CPSF4: variants seen among roughly 807,000 people sequenced by gnomAD.
CPSF4 encodes cleavage and polyadenylation specificity factor subunit 4.
Under a neutral mutation model 37.7 loss-of-function variants are expected in CPSF4, and 11 were observed. That is an observed-to-expected ratio of 0.29 (90% CI 0.18 to 0.48). The LOEUF is 0.48. Among genes scored for constraint, CPSF4 ranks in the 20% least tolerant of loss-of-function variants. The pLI is 0.99. For missense variants in CPSF4, 144 were observed against 359.5 expected (o/e 0.40, Z 4.85); for synonymous variants, 132 against 135.9 (o/e 0.97, Z 0.20).
In CPSF4 at chr7:99,444,791, T is replaced by A; in HGVS notation, c.106T>A (p.Ser36Thr). The A allele has an allele frequency of 6.2e-7, 1 of 1,613,592 alleles. No homozygotes were observed. The highest frequency in any genetic ancestry group is 8.5e-7 in the Non-Finnish European group (1 of 1,179,728). Residue 36 changes from serine to threonine, a missense_variant and splice_region_variant, in exon 2 of 8, where the codon TCG (serine) becomes ACG (threonine). Ser to Thr is a moderately conservative substitution (Grantham distance 58, BLOSUM62 1). Transcript: ENST00000292476. ...QPLPFPGMDK[S>T]GAAVCEFFLK... The stretch of plus-strand genomic sequence containing the variant: ...CTCCTTTTCTCTCCTTTCTACAGAG[T>A]CGGGCGCTGCTGTCTGTGAATTCTT...
rs557905583 is a variant in CPSF4 at position 99,448,459 on chromosome 7, CTTTT to C, written c.307+204_307+207del. 1.1e-3 allele frequency: 359 copies of C among 320,384 alleles called. No individual in the cohort carries two copies. Among genetic ancestry groups the C allele is most frequent in the East Asian group, 1.4e-3 (22 of 15,756 alleles). The allele number at this position is 320,384 out of a possible 1,614,324, so 19.8% of individuals were successfully genotyped here. A position where few individuals can be genotyped will look rare whatever the true frequency, so the allele number is the denominator to read the frequency against. On this transcript the variant is annotated intron_variant, in intron 3 of 7. Transcript: ENST00000292476. This position sits in a 1 kb window ranked among gnomAD's most constrained non-coding sequence, Gnocchi z 4.4. ...CAGTGTGGCTATTTTCTGCTCATCT[CTTTT>C]TTTTTTTTTTTTTTTTTAAAGACAT...
chr7:99,440,674 A>ATATATATGTTTTTTTTTT, intron 1 of CPSF4, among the ~76,000 whole-genome samples: 14 of 88,088 alleles, frequency 1.6e-4, no homozygotes, highest in African/African-American at 2.9e-4. Context: ...ATATATATAT[A>ATATATATGTTTTTTTTTT]TTTTTTTTTT....
intron 7 of CPSF4, among the ~76,000 whole-genome samples, chr7:99,455,053 T>C (rs1485195247): frequency 2.0e-5 from 3 of 151,984 alleles, no homozygotes; most frequent in South Asian, 2.1e-4. Context: ...AGACTCTTTG[T>C]CTCCAAAAAA....
intron 1 of CPSF4, among the ~76,000 whole-genome samples, chr7:99,440,886 A>C (rs1233123609): frequency 5.7e-5 from 7 of 123,734 alleles, no homozygotes; most frequent in South Asian, 5.4e-4. Context: ...ACACACACAC[A>C]CCCCCTCTTA....
At chr7:99,445,901 A>C (rs906322931) in intron 2 of CPSF4, among the ~76,000 whole-genome samples, 3 of 152,162 alleles carry the variant, frequency 2.0e-5, no homozygotes, top group Non-Finnish European at 1.5e-5. Context: ...CAAAACAAAA[A>C]AAAAAGAAAG....
At chr7:99,439,256 A>T (rs1347242031) in intron 1 of CPSF4, 71 bp downstream of exon 1, 6 of 1,184,476 alleles carry the variant, frequency 5.1e-6, no homozygotes, top group Non-Finnish European at 5.9e-6. Context: ...TGATCCCGGG[A>T]CTCCCTCGCC....
chr7:99,455,803 C>G (rs1289626669), intron 7 of CPSF4, among the ~76,000 whole-genome samples: 2 of 152,352 alleles, frequency 1.3e-5, no homozygotes, highest in South Asian at 2.1e-4. Context: ...TTACCCAAGT[C>G]TAAGCATCGT....
At chr7:99,450,167 A>G in intron 3 of CPSF4, 109 bp from the exon 4 acceptor site, 1 of 767,740 alleles carries the variant, frequency 1.3e-6, no homozygotes, top group African/African-American at 1.7e-5. Flanking sequence ...CCTGGCTCTC[A>G]GGGCTCGTCA....
At chr7:99,450,626 C>T in intron 4 of CPSF4, 76 bp from the exon 5 acceptor site, 1 of 1,203,352 alleles carries the variant, frequency 8.3e-7, no homozygotes, top group South Asian at 1.2e-5. Context: ...TGGGGGACAG[C>T]CAGCATTTGA....
chr7:99,443,294 A>T, intron 1 of CPSF4: 1 of 820,202 alleles, frequency 1.2e-6, no homozygotes, highest in South Asian at 1.3e-5. Flanking sequence ...GGTTCTTCCT[A>T]TTTGACAAGG....
intron 3 of CPSF4, among the ~76,000 whole-genome samples, chr7:99,449,827 G>A (rs1797809103): frequency 6.6e-6 from 1 of 152,196 alleles, no homozygotes; most frequent in Non-Finnish European, 1.5e-5. Flanking sequence ...GGTACAGGGG[G>A]ACCCATGTGG....
At chr7:99,441,976 G>C (rs1417529051) in intron 1 of CPSF4, among the ~76,000 whole-genome samples, 1 of 152,184 alleles carries the variant, frequency 6.6e-6, no homozygotes, top group East Asian at 1.9e-4. Context: ...ACAGACGTGA[G>C]TCACCGCACC....
intron 1 of CPSF4, chr7:99,439,441 C>G (rs879646049): frequency 5.1e-6 from 2 of 393,318 alleles, no homozygotes; most frequent in Non-Finnish European, 9.1e-6. Flanking sequence ...CCACTCCATC[C>G]TGAGACCTCC....
intron 2 of CPSF4, among the ~76,000 whole-genome samples, chr7:99,445,457 G>A (rs572120051): frequency 1.8e-4 from 28 of 152,008 alleles, no homozygotes; most frequent in Non-Finnish European, 3.7e-4. Flanking sequence ...TCCAAACCAC[G>A]AGCAAGACAT....
In CPSF4 at chr7:99,448,314, G is replaced by GTGC; in HGVS notation, c.307+41_307+42insTGC. On this transcript the variant is annotated intron_variant, in intron 3 of 7. Transcript: ENST00000292476. The surrounding 1 kb of genome is among the most constrained non-coding windows in gnomAD (Gnocchi z 4.4). The stretch of plus-strand genomic sequence containing the variant: ...CCCTGGAGGCTCTGCTGAGAACCAG[G>GTGC]GTGCAGAGGGGTCCGCTGGCTGCTC... The GTGC allele has an allele frequency of 6.2e-7, 1 of 1,606,142 alleles. No individual in the cohort carries two copies. The highest frequency in any genetic ancestry group is 1.1e-5 in the South Asian group (1 of 90,368).
Position 99,438,959 on chromosome 7 carries a change from C to T in CPSF4, c.-124C>T. On this transcript the variant is annotated 5_prime_UTR_variant, in exon 1 of 8. Transcript: ENST00000292476. ...GGCGCTCCCGGCATCCCTCGGGCGG[C>T]GGCGGCGGCGGCGGCGAGGCGAAGC... is the stretch of plus-strand genomic sequence containing the variant. The T allele has an allele frequency of 7.5e-7, 1 of 1,328,890 alleles. No homozygotes were observed. Among genetic ancestry groups the T allele is most frequent in the Non-Finnish European group, 9.7e-7 (1 of 1,033,068 alleles). 82.3% of individuals were successfully genotyped at this position (1,328,890 alleles called of 1,614,324 possible).
intron 1 of CPSF4, among the ~76,000 whole-genome samples, chr7:99,440,771 A>G (rs1474616603): frequency 6.7e-6 from 1 of 148,872 alleles, no homozygotes; most frequent in African/African-American, 2.5e-5. Flanking sequence ...GTCTTCAAGA[A>G]GACAAGATAG....
At chr7:99,450,670 A>C in intron 4 of CPSF4, 32 bp from the exon 5 acceptor site, 1 of 1,518,616 alleles carries the variant, frequency 6.6e-7, no homozygotes, top group Admixed American at 1.7e-5. Flanking sequence ...GGTAGAGGGG[A>C]CATCTAAGTG....
chr7:99,443,131 C>T (rs1305590498), intron 1 of CPSF4: 5 of 810,670 alleles, frequency 6.2e-6, no homozygotes, highest in Non-Finnish European at 1.1e-5. Context: ...GAAGAAATCC[C>T]AAACCTAGCT....
Sources: allele counts gnomAD v4.1 joint callset (sites outside exome capture counted in the v4.1 genomes callset), GRCh38; gene constraint gnomAD v4.1.1; non-coding constraint Gnocchi (gnomAD v3.1); transcripts MANE v1.5; gene names NCBI Gene and HGNC (gene_info 2026-07-23, HGNC 2026-07-21).